Variants in FRMPD4 observed in about 807,000 individuals in gnomAD.
FRMPD4 encodes FERM and PDZ domain containing 4.
FRMPD4 carries 22 observed loss-of-function variants against 94.1 expected under a neutral mutation model. The observed-to-expected ratio is 0.23, with a 90% confidence interval of 0.17 to 0.33. The LOEUF (loss-of-function observed/expected upper bound fraction) is 0.33, where lower values mean the gene tolerates loss of function less well. FRMPD4 is among the 10% of genes least tolerant of loss of function. The pLI, the probability that FRMPD4 is intolerant of heterozygous loss-of-function variation, is 1.00. For synonymous variants in FRMPD4, 631 were observed against 548.6 expected, an observed-to-expected ratio of 1.15 and a Z score of -2.10; for missense variants, 1,111 against 1,339.9, an observed-to-expected ratio of 0.83 and a Z score of 2.67.
intron 1 of FRMPD4, among the ~76,000 whole-genome samples, chrX:12,394,430 A>T (rs913447456): frequency 8.9e-6 from 1 of 111,785 alleles, no homozygotes; most frequent in Non-Finnish European, 1.9e-5. Context: ...TTCAGTTCTT[A>T]TTCAGGTAGT....
chrX:12,705,047 GACAA>G (rs1478281049), intron 11 of FRMPD4, among the ~76,000 whole-genome samples: 1 of 111,772 alleles, frequency 8.9e-6, no homozygotes, highest in African/African-American at 3.3e-5. Context: ...CCGTGATCGT[GACAA>G]ACAAAAATGT....
chrX:12,520,510 T>C (rs1426367464), intron 2 of FRMPD4, among the ~76,000 whole-genome samples: 4 of 111,018 alleles, frequency 3.6e-5, no homozygotes, highest in Non-Finnish European at 7.5e-5. Flanking sequence ...AAGTGTTTTT[T>C]CCCCACAGTT....
intron 3 of FRMPD4, among the ~76,000 whole-genome samples, chrX:11,950,165 T>C (rs1285364044): frequency 2.7e-5 from 3 of 111,643 alleles, no homozygotes; most frequent in African/African-American, 9.8e-5. Context: ...TTTATAACTG[T>C]CTGGCATTTT....
chrX:11,904,393 C>T (rs888567342), intron 3 of FRMPD4, among the ~76,000 whole-genome samples: 4 of 112,069 alleles, frequency 3.6e-5, no homozygotes, highest in Non-Finnish European at 5.6e-5. Context: ...TATGGGTATA[C>T]GTCTCTTTCA....
At chrX:11,848,285 T>C (rs890143481) in intron 1 of FRMPD4, among the ~76,000 whole-genome samples, 1 of 111,194 alleles carries the variant, frequency 9.0e-6, no homozygotes, top group Admixed American at 9.6e-5. Context: ...ACTCTGAGAT[T>C]TGTGGCTGTT....
chrX:12,312,378 G>A (rs924127343), intron 1 of FRMPD4, among the ~76,000 whole-genome samples: 2 of 103,943 alleles, frequency 1.9e-5, no homozygotes, highest in African/African-American at 7.1e-5. Flanking sequence ...TCAGCCTCCC[G>A]AGTAGCTGGG....
At chrX:11,830,299 T>C (rs1344362915) in intron 1 of FRMPD4, among the ~76,000 whole-genome samples, 1 of 112,366 alleles carries the variant, frequency 8.9e-6, no homozygotes, top group Non-Finnish European at 1.9e-5. Flanking sequence ...ATAGCCAATG[T>C]CTACCTATGA....
chrX:12,060,513 T>C (rs1438947928), intron 3 of FRMPD4, among the ~76,000 whole-genome samples: 4 of 110,453 alleles, frequency 3.6e-5, no homozygotes, highest in Non-Finnish European at 7.6e-5. Flanking sequence ...CAACTATATA[T>C]TTTCCTAGCT....
In FRMPD4 at chrX:12,701,944, C is replaced by T; in HGVS notation, c.1004C>T (p.Ala335Val). 1 of 1,209,329 alleles carries T rather than the reference C, an allele frequency of 8.3e-7. No homozygotes were observed. The highest frequency in any genetic ancestry group is 1.1e-6 in the Non-Finnish European group (1 of 892,685). ...LKYDIALRLAALQMYIATVTT... is the reference protein window; with the variant it reads ...LKYDIALRLAVLQMYIATVTT... ...TATGACATAGCCCTGCGGCTGGCCG[C>T]ATTACAAATGTACATTGCAACCGTT... The change falls in exon 10 of 17, where the codon GCA becomes GTA. Residue 335 changes from alanine to valine, a missense_variant. Transcript: ENST00000675598.
intron 3 of FRMPD4, among the ~76,000 whole-genome samples, chrX:11,978,941 G>A (rs1310437458): frequency 9.0e-6 from 1 of 111,261 alleles, no homozygotes; most frequent in African/African-American, 3.3e-5. Context: ...GTACTTTGTA[G>A]CACTAAGCAC....
At chrX:11,965,907 A>AT (rs1053713663) in intron 3 of FRMPD4, among the ~76,000 whole-genome samples, 10 of 111,818 alleles carry the variant, frequency 8.9e-5, no homozygotes, top group African/African-American at 1.6e-4. Context: ...TTTCCTACAA[A>AT]GGGGAAATAA....
intron 1 of FRMPD4, among the ~76,000 whole-genome samples, chrX:12,227,324 A>G (rs1036559946): frequency 8.1e-5 from 9 of 111,674 alleles, no homozygotes; most frequent in South Asian, 3.8e-4. Context: ...GCTTCCATGT[A>G]TATGTGCAGA....
At chrX:11,876,579 T>C (rs2053786832) in intron 2 of FRMPD4, among the ~76,000 whole-genome samples, 1 of 112,074 alleles carries the variant, frequency 8.9e-6, no homozygotes, top group Non-Finnish European at 1.9e-5. Context: ...GAAGTGAGCA[T>C]ATTCCAAATA....
intron 1 of FRMPD4, among the ~76,000 whole-genome samples, chrX:12,339,573 A>G (rs780809088): frequency 1.4e-4 from 16 of 111,860 alleles, no homozygotes; most frequent in Admixed American, 3.8e-4. Context: ...TAGTCTGACC[A>G]AATTCTTGCT....
At chrX:12,442,120 T>C (rs1247393565) in intron 1 of FRMPD4, among the ~76,000 whole-genome samples, 5 of 111,652 alleles carry the variant, frequency 4.5e-5, no homozygotes, top group Admixed American at 2.9e-4. Flanking sequence ...AAATTATTAA[T>C]AGTGCCTCCT....
chrX:12,116,355 AT>A (rs940440582), intron 3 of FRMPD4, among the ~76,000 whole-genome samples: 1 of 111,879 alleles, frequency 8.9e-6, no homozygotes, highest in African/African-American at 3.3e-5. Context: ...TCTTTTAAAG[AT>A]TTTCCAGATA....
At chrX:12,083,266 GC>G (rs983509523) in intron 3 of FRMPD4, among the ~76,000 whole-genome samples, 12 of 113,155 alleles carry the variant, frequency 1.1e-4, no homozygotes, top group Non-Finnish European at 2.1e-4. Flanking sequence ...GCTGAAAGGG[GC>G]TAATGTAGAG....
At chrX:12,096,537 G>A (rs1478657788) in intron 3 of FRMPD4, among the ~76,000 whole-genome samples, 3 of 111,799 alleles carry the variant, frequency 2.7e-5, no homozygotes, top group African/African-American at 9.8e-5. Context: ...GTTGATAACA[G>A]CATAGTCCTG....
At chrX:12,361,511 C>G (rs1262711120) in intron 1 of FRMPD4, among the ~76,000 whole-genome samples, 2 of 112,058 alleles carry the variant, frequency 1.8e-5, no homozygotes, top group African/African-American at 6.5e-5. Flanking sequence ...GAATGCCAGT[C>G]CTGTCTTTCC....
Sources: gnomAD v4.1 joint callset for allele counts (sites outside exome capture counted in the v4.1 genomes callset) on GRCh38, gnomAD v4.1.1 for gene constraint, MANE v1.5 for transcripts, NCBI Gene and HGNC (gene_info 2026-07-23, HGNC 2026-07-21) for gene names.